RNF220: variants seen among roughly 807,000 people sequenced by gnomAD.
RNF220 encodes E3 ubiquitin-protein ligase RNF220.
Under a neutral mutation model 67.1 loss-of-function variants are expected in RNF220, and 7 were observed. The observed-to-expected ratio is 0.10, with a 90% CI of 0.06 to 0.20. The LOEUF (loss-of-function observed/expected upper bound fraction) is 0.20, where lower values mean the gene tolerates loss of function less well. Ranked by LOEUF, RNF220 falls within the 10% of genes least tolerant of loss-of-function variation. RNF220 has a pLI of 1.00. For synonymous variants in RNF220, 270 were observed against 283.2 expected, an observed-to-expected ratio of 0.95 and a Z score of 0.47; for missense variants, 565 against 740.3, an observed-to-expected ratio of 0.76 and a Z score of 2.75.
At chr1:44,530,240 T>C (rs563632069) in intron 2 of RNF220, among the ~76,000 whole-genome samples, 2 of 152,134 alleles carry the variant, frequency 1.3e-5, no homozygotes, top group Non-Finnish European at 2.9e-5. Flanking sequence ...TAGTTGGTAA[T>C]TGTGTGCCAT....
chr1:44,616,805 G>A (rs1643569870), intron 3 of RNF220, among the ~76,000 whole-genome samples: 1 of 152,118 alleles, frequency 6.6e-6, no homozygotes, highest in South Asian at 2.1e-4. Flanking sequence ...GCCCCCTAAG[G>A]GCCTGGAGAA....
chr1:44,490,909 C>T (rs1026833957), intron 2 of RNF220, among the ~76,000 whole-genome samples: 1 of 151,862 alleles, frequency 6.6e-6, no homozygotes, highest in Non-Finnish European at 1.5e-5. Flanking sequence ...GACATCACTA[C>T]CAGACTTACA....
Position 44,413,695 on chromosome 1 carries a change from CATTTT to C in RNF220, c.625+979_625+983del, listed in dbSNP as rs1425184743. Among the ~76,000 whole-genome samples, 3 of 152,198 alleles carry C rather than the reference CATTTT, an allele frequency of 2.0e-5. No homozygotes were observed. The East Asian group carries it at 5.8e-4, about 29-fold the overall frequency. On this transcript the variant is annotated intron_variant, in intron 2 of 14. Coordinates refer to ENST00000361799, the MANE Select transcript of RNF220 (RefSeq NM_018150.4). ...CAACCCTTTGTTCTCAGATTTGCTT[CATTTT>C]ATTTTCTTAAGAAAACTACATCTGA...
intron 2 of RNF220, among the ~76,000 whole-genome samples, chr1:44,507,123 A>G (rs1478232738): frequency 6.6e-6 from 1 of 152,150 alleles, no homozygotes; most frequent in African/African-American, 2.4e-5. Flanking sequence ...TGGGGCAGGC[A>G]TCAGGGCAGA....
At chr1:44,615,701 G>A (rs1643517177) in intron 3 of RNF220, among the ~76,000 whole-genome samples, 1 of 152,180 alleles carries the variant, frequency 6.6e-6, no homozygotes, top group Non-Finnish European at 1.5e-5. Flanking sequence ...GGGGTATCAA[G>A]GAGGCACCAA....
intron 2 of RNF220, among the ~76,000 whole-genome samples, chr1:44,609,466 G>A (rs1667508136): frequency 6.6e-6 from 1 of 152,206 alleles, no homozygotes; most frequent in African/African-American, 2.4e-5. Context: ...GCCAGACGTG[G>A]GTGAGTGGTC....
At chr1:44,612,391 T>C (rs1000644484) in intron 2 of RNF220, among the ~76,000 whole-genome samples, 17 of 152,272 alleles carry the variant, frequency 1.1e-4, no homozygotes, top group South Asian at 2.1e-4. Context: ...ACTCGTTCAA[T>C]TGCCTGATAT....
intron 2 of RNF220, among the ~76,000 whole-genome samples, chr1:44,440,086 T>A (rs1309151378): frequency 6.6e-6 from 1 of 152,210 alleles, no homozygotes; most frequent in East Asian, 1.9e-4. Flanking sequence ...TGCAAAGACT[T>A]ACAGTCTAGA....
intron 2 of RNF220, among the ~76,000 whole-genome samples, chr1:44,525,904 C>G (rs1400534233): frequency 6.6e-6 from 1 of 152,160 alleles, no homozygotes; most frequent in Non-Finnish European, 1.5e-5. Flanking sequence ...GTCTGCTGTC[C>G]TTATGTCCGT....
At chr1:44,461,375 A>G (rs1039619483) in intron 2 of RNF220, among the ~76,000 whole-genome samples, 1 of 152,212 alleles carries the variant, frequency 6.6e-6, no homozygotes, top group African/African-American at 2.4e-5. Context: ...TTCATGTTGC[A>G]AAAATAAAAT....
At chr1:44,584,825 A>G (rs1317171829) in intron 2 of RNF220, among the ~76,000 whole-genome samples, 1 of 152,036 alleles carries the variant, frequency 6.6e-6, no homozygotes, top group Non-Finnish European at 1.5e-5. Context: ...CAGCCTCCCA[A>G]ATAGCTGGGA....
At position 44,412,075 on chromosome 1, in the gene RNF220, G is replaced by A. The variant is rs769734522; in HGVS notation, c.-23G>A. On this transcript the variant is annotated 5_prime_UTR_variant, in exon 2 of 15. Transcript: ENST00000361799. The surrounding 1 kb of genome is among the most constrained non-coding windows in gnomAD (Gnocchi z 5.3). ...CAGGGAAGACTGCTTCTTGCGTAAC[G>A]CCGGCCACAGAAAGAGACTCCGATG... 15 of 1,590,010 alleles carry A rather than the reference G, an allele frequency of 9.4e-6. No homozygotes were observed. Among genetic ancestry groups the A allele is most frequent in the South Asian group, 4.6e-5 (4 of 87,754 alleles).
At chr1:44,455,101 T>C (rs1158542942) in intron 2 of RNF220, among the ~76,000 whole-genome samples, 4 of 152,244 alleles carry the variant, frequency 2.6e-5, no homozygotes, top group African/African-American at 7.2e-5. Flanking sequence ...AGTTTGACTT[T>C]ATAAGAAATT....
chr1:44,604,070 A>G (rs1667110881), intron 2 of RNF220, among the ~76,000 whole-genome samples: 1 of 152,262 alleles, frequency 6.6e-6, no homozygotes, highest in Non-Finnish European at 1.5e-5. Flanking sequence ...TTTTGGCTGC[A>G]TGGCAAGGAA....
intron 2 of RNF220, among the ~76,000 whole-genome samples, chr1:44,479,418 C>G (rs1012051165): frequency 3.3e-5 from 5 of 152,156 alleles, no homozygotes; most frequent in African/African-American, 9.6e-5. Flanking sequence ...GCTCGGCCAA[C>G]TTTGTGGATT....
Position 44,600,828 on chromosome 1 carries a change from A to AT in RNF220, c.626-13337_626-13336insT, listed in dbSNP as rs66994597. On this transcript the variant is annotated intron_variant, in intron 2 of 14. Coordinates refer to ENST00000361799, the MANE Select transcript of RNF220 (RefSeq NM_018150.4). The surrounding 1 kb of genome is among the most constrained non-coding windows in gnomAD (Gnocchi z 4.0). ...AAGAGCAAGACTCTGTCTCAAAAAA[A>AT]AAAAAAGTACAGTGCTTGCCACAGA... 1.3e-5 allele frequency among the ~76,000 whole-genome samples: 2 copies of AT among 152,040 alleles called. No individual in the cohort carries two copies. Among genetic ancestry groups the AT allele is most frequent in the African/African-American group, 4.8e-5 (2 of 41,360 alleles).
intron 2 of RNF220, among the ~76,000 whole-genome samples, chr1:44,413,997 C>T (rs1451533498): frequency 6.6e-6 from 1 of 152,226 alleles, no homozygotes; most frequent in African/African-American, 2.4e-5. Context: ...ATCCATCGCT[C>T]TTTGGTTTTG....
chr1:44,588,732 T>C (rs1665891250), intron 2 of RNF220, among the ~76,000 whole-genome samples: 1 of 152,154 alleles, frequency 6.6e-6, no homozygotes. Context: ...GGCTGGAGCT[T>C]AGGGCTGGCT....
At chr1:44,578,119 T>TTTTC (rs57896275) in intron 2 of RNF220, among the ~76,000 whole-genome samples, 33 of 147,848 alleles carry the variant, frequency 2.2e-4, no homozygotes, top group East Asian at 1.2e-3. Context: ...GCAACTGGGA[T>TTTTC]TTTCTTTCTT....
Sources: gnomAD v4.1 joint callset for allele counts (sites outside exome capture counted in the v4.1 genomes callset) on GRCh38, gnomAD v4.1.1 for gene constraint, Gnocchi (gnomAD v3.1) non-coding constraint, MANE v1.5 for transcripts, NCBI Gene and HGNC (gene_info 2026-07-23, HGNC 2026-07-21) for gene names.